The following CEP128 variants were observed in gnomAD, a reference collection of about 807,000 sequenced individuals.
CEP128 encodes centrosomal protein 128, also known as centrosomal protein 128kDa.
CEP128 carries 132 observed loss-of-function variants against 156.7 expected under a neutral mutation model. The observed-to-expected ratio is 0.84, with a 90% CI of 0.73 to 0.97. The LOEUF (loss-of-function observed/expected upper bound fraction) is 0.97. Ranked by LOEUF, CEP128 falls within the 50% of genes least tolerant of loss-of-function variation. The probability of loss-of-function intolerance (pLI) is 0.00; values close to 1 mark genes in which losing one functional copy is unlikely to be tolerated. For missense variants in CEP128, 1,252 were observed against 1,281.9 expected (o/e 0.98, Z 0.36); for synonymous variants, 469 against 448.9 (o/e 1.04, Z -0.57).
At chr14:80,508,607 C>A (rs1444556884) in intron 23 of CEP128, among the ~76,000 whole-genome samples, 1 of 152,044 alleles carries the variant, frequency 6.6e-6, no homozygotes, top group Non-Finnish European at 1.5e-5. Flanking sequence ...GGTACAAAAA[C>A]TTTTGTCCAT....
chr14:80,828,440 A>C (rs1401953881), intron 13 of CEP128, among the ~76,000 whole-genome samples: 2 of 152,130 alleles, frequency 1.3e-5, no homozygotes, highest in African/African-American at 4.8e-5. Flanking sequence ...GAAATTTTTA[A>C]CAAAACATAC....
chr14:80,765,297 G>A (rs1566901973), intron 16 of CEP128, among the ~76,000 whole-genome samples: 1 of 152,202 alleles, frequency 6.6e-6, no homozygotes. Flanking sequence ...TTTAGAAATA[G>A]ATGTGCTGAC....
At chr14:80,725,011 AC>A (rs1015374199) in intron 19 of CEP128, among the ~76,000 whole-genome samples, 17 of 145,908 alleles carry the variant, frequency 1.2e-4, no homozygotes, top group Non-Finnish European at 1.9e-4. Flanking sequence ...ATATATATAT[AC>A]ATATATGATA....
At chr14:80,555,923 T>C (rs111372345) in intron 21 of CEP128, among the ~76,000 whole-genome samples, 5,070 of 152,270 alleles carry the variant, frequency 0.033, 120 homozygotes, top group Non-Finnish European at 0.053. Context: ...TCTTTCATCA[T>C]TTAATTCATT....
chr14:80,766,127 T>C (rs1014606287), intron 16 of CEP128, among the ~76,000 whole-genome samples: 1 of 152,208 alleles, frequency 6.6e-6, no homozygotes, highest in Admixed American at 6.5e-5. Context: ...GCTATCCATC[T>C]GCGCTGAAGA....
intron 2 of CEP128, among the ~76,000 whole-genome samples, chr14:80,916,835 C>G (rs1355561567): frequency 6.6e-6 from 1 of 152,152 alleles, no homozygotes; most frequent in Non-Finnish European, 1.5e-5. Context: ...TAGATTCATG[C>G]AATGCTTCCA....
At chr14:80,741,236 T>C (rs1898816177) in intron 19 of CEP128, among the ~76,000 whole-genome samples, 1 of 152,200 alleles carries the variant, frequency 6.6e-6, no homozygotes, top group Non-Finnish European at 1.5e-5. Flanking sequence ...TGTAGAAATG[T>C]CTCTCCTTCT....
At chr14:80,896,852 GC>G (rs1370883560) in intron 7 of CEP128, among the ~76,000 whole-genome samples, 1 of 152,070 alleles carries the variant, frequency 6.6e-6, no homozygotes, top group Non-Finnish European at 1.5e-5. Flanking sequence ...TTACTTTCCT[GC>G]TCTAATTTAG....
intron 19 of CEP128, among the ~76,000 whole-genome samples, chr14:80,711,433 G>A (rs764636222): frequency 6.6e-6 from 1 of 151,604 alleles, no homozygotes; most frequent in South Asian, 2.1e-4. Flanking sequence ...ACATACATAA[G>A]AAAGAGGCTA....
intron 19 of CEP128, among the ~76,000 whole-genome samples, chr14:80,647,122 C>T (rs867266457): frequency 0.096 from 10,494 of 108,896 alleles, 1,877 homozygotes; most frequent in African/African-American, 0.11. Context: ...CACACACACA[C>T]ACATACACAC....
intron 19 of CEP128, among the ~76,000 whole-genome samples, chr14:80,620,040 AC>A (rs1317170009): frequency 6.6e-6 from 1 of 151,878 alleles, no homozygotes; most frequent in Non-Finnish European, 1.5e-5. Context: ...AAGAAAAATC[AC>A]TTGAACTCGG....
chr14:80,762,825 C>CA (rs1433944635), intron 16 of CEP128, among the ~76,000 whole-genome samples: 1 of 152,150 alleles, frequency 6.6e-6, no homozygotes, highest in Non-Finnish European at 1.5e-5. Context: ...CATTTATCTC[C>CA]AGGAGTTCAT....
chr14:80,877,286 A>C (rs139889886), intron 8 of CEP128, among the ~76,000 whole-genome samples: 37 of 152,308 alleles, frequency 2.4e-4, no homozygotes, highest in African/African-American at 7.5e-4. Context: ...GAGAAAGCAA[A>C]TAGTAAGATG....
At chr14:80,619,566 G>C (rs1893384037) in intron 19 of CEP128, among the ~76,000 whole-genome samples, 2 of 151,832 alleles carry the variant, frequency 1.3e-5, no homozygotes, top group South Asian at 4.2e-4. Context: ...GCCAGGTGTG[G>C]TGGTGGGTGC....
At chr14:80,521,063 G>C (rs955948661) in intron 23 of CEP128, among the ~76,000 whole-genome samples, 1 of 140,434 alleles carries the variant, frequency 7.1e-6, no homozygotes, top group Non-Finnish European at 1.5e-5. Flanking sequence ...GGATGGTCTC[G>C]ATCTCCTGAC....
At chr14:80,680,577 A>T (rs1479876472) in intron 19 of CEP128, among the ~76,000 whole-genome samples, 1 of 152,170 alleles carries the variant, frequency 6.6e-6, no homozygotes, top group African/African-American at 2.4e-5. Flanking sequence ...ATTCACCAGG[A>T]TTAGCAGCTT....
At position 80,862,783 on chromosome 14, in the gene CEP128, C is replaced by T. The variant is rs753541448; in HGVS notation, c.736G>A (p.Gly246Arg). 1.9e-6 allele frequency: 3 copies of T among 1,612,890 alleles called. No individual in the cohort carries two copies. The highest frequency in any genetic ancestry group is 1.7e-5 in the Admixed American group (1 of 59,980). ...ELVERRQDQLGLMSLQLQEAL... is the reference protein window; with the variant it reads ...ELVERRQDQLRLMSLQLQEAL... ...TCCTGTAGCTGCAGGGACATGAGTC[C>T]CAGTTGATCCTGGCGTCTTTCCACC... The change falls in exon 9 of 25, where the codon GGA becomes AGA. Residue 246 changes from glycine to arginine, a missense_variant. Transcript: ENST00000555265.
chr14:80,656,908 T>C (rs1895196478), intron 19 of CEP128, among the ~76,000 whole-genome samples: 1 of 152,194 alleles, frequency 6.6e-6, no homozygotes, highest in Non-Finnish European at 1.5e-5. Flanking sequence ...AACAGAATAT[T>C]TAGTCAGGTT....
In CEP128 at chr14:80,595,966, G is replaced by A. The variant is rs142193154; in HGVS notation, c.2807-15543C>T. 7.3e-5 allele frequency among the ~76,000 whole-genome samples: 11 copies of A among 150,906 alleles called. No homozygotes were observed. The South Asian group carries it at 8.4e-4, about 11-fold the overall frequency. ...CCCCATGATTTAATTATCTCTCACC[G>A]TGTCCCTCCCAGAACAAATGGAAAT... On this transcript the variant is annotated intron_variant, in intron 19 of 24. Transcript: ENST00000555265.
Sources: allele counts gnomAD v4.1 joint callset (sites outside exome capture counted in the v4.1 genomes callset), GRCh38; gene constraint gnomAD v4.1.1; transcripts MANE v1.5; gene names NCBI Gene and HGNC (gene_info 2026-07-23, HGNC 2026-07-21).